Variants in SUGCT observed in about 807,000 individuals in gnomAD.
The protein encoded by SUGCT is succinyl-CoA:glutarate CoA-transferase.
Under a neutral mutation model 55.0 loss-of-function variants are expected in SUGCT, and 41 were observed. The ratio of observed to expected loss-of-function variants is 0.74; its 90% confidence interval spans 0.58 to 0.97. The LOEUF is 0.97. Among genes scored for constraint, SUGCT ranks in the 50% least tolerant of loss-of-function variants. The pLI, the probability that SUGCT is intolerant of heterozygous loss-of-function variation, is 0.00. For synonymous variants in SUGCT, 187 were observed against 200.4 expected (o/e 0.93, Z 0.56); for missense variants, 568 against 547.8 (o/e 1.04, Z -0.37).
At chr7:40,585,949 G>C (rs1458265683) in intron 12 of SUGCT, among the ~76,000 whole-genome samples, 2 of 152,142 alleles carry the variant, frequency 1.3e-5, no homozygotes, top group African/African-American at 2.4e-5. Context: ...CAATGTGCTA[G>C]GGTTACAGGT....
At chr7:40,237,608 T>C (rs1228109652) in intron 6 of SUGCT, 27 bp from the exon 7 acceptor site, 1 of 1,584,452 alleles carries the variant, frequency 6.3e-7, no homozygotes. Context: ...TGTGTGGTGC[T>C]GAATATGTTT....
At chr7:41,007,032 C>G in the SUGCT span, among the ~76,000 whole-genome samples, 1 of 151,818 alleles carries the variant, frequency 6.6e-6, no homozygotes, top group Admixed American at 6.6e-5. Context: ...GAAGAAGGGC[C>G]TCAGAGAGGT....
At chr7:40,710,919 G>A (rs568748740) in intron 12 of SUGCT, among the ~76,000 whole-genome samples, 10 of 152,304 alleles carry the variant, frequency 6.6e-5, no homozygotes, top group African/African-American at 1.9e-4. Context: ...AAATGCAGCC[G>A]TTAAGGTGTT....
At chr7:40,435,356 CTA>C (rs1179081537) in intron 9 of SUGCT, among the ~76,000 whole-genome samples, 1 of 152,132 alleles carries the variant, frequency 6.6e-6, no homozygotes, top group Non-Finnish European at 1.5e-5. Context: ...TTTGGGGAAT[CTA>C]TTGTTAGCAT....
intron 7 of SUGCT, among the ~76,000 whole-genome samples, chr7:40,263,486 A>T (rs1426265627): frequency 2.0e-5 from 3 of 152,158 alleles, no homozygotes; most frequent in Non-Finnish European, 4.4e-5. Flanking sequence ...GGATAAATTG[A>T]TTTGGGGTCT....
chr7:40,915,912 G>T, the SUGCT span, among the ~76,000 whole-genome samples: 22,866 of 150,976 alleles, frequency 0.15, 1 homozygote, highest in African/African-American at 0.27. Context: ...TGGGCATGTT[G>T]GGTACCTTGT....
chr7:40,751,521 T>C (rs573421578), intron 13 of SUGCT, among the ~76,000 whole-genome samples: 6 of 152,184 alleles, frequency 3.9e-5, no homozygotes, highest in Non-Finnish European at 8.8e-5. Context: ...TTAGAAAACA[T>C]CTGGTCTAGT....
At chr7:40,216,109 C>CTTT (rs74272038) in intron 6 of SUGCT, among the ~76,000 whole-genome samples, 2 of 128,204 alleles carry the variant, frequency 1.6e-5, no homozygotes, top group African/African-American at 5.6e-5. Context: ...CAGAGAAAGG[C>CTTT]TTTTTTTTTT....
At chr7:40,421,849 A>G (rs77733221) in intron 9 of SUGCT, among the ~76,000 whole-genome samples, 2 of 152,254 alleles carry the variant, frequency 1.3e-5, no homozygotes, top group East Asian at 3.9e-4. Flanking sequence ...CTGTGCACTA[A>G]CTTTGAGCTG....
At chr7:40,477,054 G>A (rs1355681888) in intron 11 of SUGCT, among the ~76,000 whole-genome samples, 1 of 152,070 alleles carries the variant, frequency 6.6e-6, no homozygotes, top group East Asian at 1.9e-4. Flanking sequence ...TAGCTTTAAT[G>A]TGTTTATTCT....
intron 13 of SUGCT, among the ~76,000 whole-genome samples, chr7:40,771,717 T>G (rs930235661): frequency 6.6e-6 from 1 of 152,156 alleles, no homozygotes; most frequent in African/African-American, 2.4e-5. Flanking sequence ...TAAATGAGAC[T>G]TGAAAGGAAA....
chr7:40,737,827 G>T (rs936659390), intron 12 of SUGCT, among the ~76,000 whole-genome samples: 2 of 152,134 alleles, frequency 1.3e-5, no homozygotes, highest in Non-Finnish European at 2.9e-5. Flanking sequence ...GGGAGGCTGA[G>T]GCAGGAGAAT....
At chr7:40,497,231 C>T (rs1792032147) in intron 12 of SUGCT, among the ~76,000 whole-genome samples, 1 of 152,086 alleles carries the variant, frequency 6.6e-6, no homozygotes, top group Non-Finnish European at 1.5e-5. Context: ...ATATTTATAT[C>T]GTGGCAGGTT....
At position 40,303,042 on chromosome 7, in the gene SUGCT, TC is replaced by T. The variant is rs1175855075; in HGVS notation, c.721-13717del. Among the ~76,000 whole-genome samples the T allele has an allele frequency of 1.3e-4, 20 of 152,300 alleles. No homozygotes were observed. In the South Asian group the frequency reaches 4.1e-3, roughly 32 times the overall value. On this transcript the variant is annotated intron_variant, in intron 8 of 13. Coordinates refer to ENST00000335693, the MANE Select transcript of SUGCT (RefSeq NM_001193313.2). ...CCAAGAAAGCCATTTTTTTTCTTTT[TC>T]TTTTTTTTGAGATGGAGTCTTGCCC...
intron 8 of SUGCT, among the ~76,000 whole-genome samples, chr7:40,280,879 T>C (rs1475153182): frequency 1.3e-5 from 2 of 152,184 alleles, no homozygotes; most frequent in Admixed American, 6.5e-5. Flanking sequence ...TTGTTACTTC[T>C]GGTGCGGGTC....
At chr7:40,859,680 A>T (rs1175404672) in intron 13 of SUGCT, among the ~76,000 whole-genome samples, 1 of 152,206 alleles carries the variant, frequency 6.6e-6, no homozygotes, top group Non-Finnish European at 1.5e-5. Context: ...AGTAAACATT[A>T]TCACATCCAG....
intron 1 of SUGCT, among the ~76,000 whole-genome samples, chr7:40,160,174 T>TA (rs1271772798): frequency 6.6e-6 from 1 of 152,116 alleles, no homozygotes; most frequent in Non-Finnish European, 1.5e-5. Context: ...TCACTGAAAA[T>TA]ATGGGTGGTC....
chr7:40,910,522 G>A, the SUGCT span, among the ~76,000 whole-genome samples: 1 of 152,178 alleles, frequency 6.6e-6, no homozygotes, highest in East Asian at 1.9e-4. Context: ...AGTGCAAACA[G>A]AGAGGGGACA....
At chr7:40,640,889 G>A (rs910444821) in intron 12 of SUGCT, among the ~76,000 whole-genome samples, 1 of 152,228 alleles carries the variant, frequency 6.6e-6, no homozygotes, top group South Asian at 2.1e-4. Flanking sequence ...CCTGGTAAAG[G>A]GGACTTGGAC....
Sources: allele counts gnomAD v4.1 joint callset (sites outside exome capture counted in the v4.1 genomes callset), GRCh38; gene constraint gnomAD v4.1.1; transcripts MANE v1.5; gene names NCBI Gene and HGNC (gene_info 2026-07-23, HGNC 2026-07-21).